PHKB: variants seen among roughly 807,000 people sequenced by gnomAD.
PHKB encodes the protein phosphorylase kinase regulatory subunit beta, also known as phosphorylase b kinase regulatory subunit beta.
In PHKB, 122 loss-of-function variants were observed where a neutral mutation model predicts 152.1. The observed-to-expected ratio is 0.80, with a 90% CI of 0.69 to 0.93. The LOEUF is 0.93. PHKB is among the 40% of genes least tolerant of loss of function. The pLI is 0.00. For missense variants in PHKB, 1,304 were observed against 1,328.4 expected, an observed-to-expected ratio of 0.98 and a Z score of 0.29; for synonymous variants, 436 against 464.9, an observed-to-expected ratio of 0.94 and a Z score of 0.80.
rs764133797 is a variant in PHKB at position 47,696,380 on chromosome 16, G to T, written c.2896-1G>T. 8.3e-6 allele frequency: 13 copies of T among 1,560,894 alleles called. No individual in the cohort carries two copies. The highest frequency in any genetic ancestry group is 1.1e-5 in the Non-Finnish European group (13 of 1,131,518). ...TGTTAATGTGGAGTTATTTTTTTCA[G>T]CAACCAACCCTGTCAGATATGACCA... On this transcript the variant is annotated splice_acceptor_variant, in intron 28 of 30. Transcript: ENST00000323584. LOFTEE classifies it high-confidence loss of function.
chr16:47,559,921 C>T (rs1256289504), intron 7 of PHKB, among the ~76,000 whole-genome samples: 1 of 152,114 alleles, frequency 6.6e-6, no homozygotes, highest in Non-Finnish European at 1.5e-5. Flanking sequence ...TGTTATTTCT[C>T]TCCAAAAAAA....
chr16:47,491,964 C>G lies in PHKB; in HGVS notation c.77-5435C>G, dbSNP rs1970157796. Among the ~76,000 whole-genome samples the G allele has an allele frequency of 2.0e-5, 3 of 152,140 alleles. No homozygotes were observed. In the South Asian group the frequency reaches 6.2e-4, roughly 32 times the overall value. On this transcript the variant is annotated intron_variant, in intron 1 of 30. Coordinates refer to ENST00000323584, the MANE Select transcript of PHKB (RefSeq NM_000293.3). Reference sequence around the variant, plus strand: ...AGGTCCTTTTAAAATTTCTTAATACCTGACTTTAGCCAGGCCAAACAGCTG... The same window carrying G: ...AGGTCCTTTTAAAATTTCTTAATACGTGACTTTAGCCAGGCCAAACAGCTG...
At chr16:47,590,277 T>G (rs1972006188) in intron 10 of PHKB, 1 of 150,340 alleles carries the variant, frequency 6.7e-6, no homozygotes, top group Non-Finnish European at 1.5e-5. Flanking sequence ...TATCATTTTA[T>G]TTAACTTTTT....
chr16:47,580,884 C>T (rs530543320), intron 8 of PHKB, among the ~76,000 whole-genome samples: 2 of 151,954 alleles, frequency 1.3e-5, no homozygotes, highest in Admixed American at 1.3e-4. Context: ...CCCTGAAGGT[C>T]GTCTTAAATT....
chr16:47,693,353 C>T (rs1160616921), intron 27 of PHKB, 25 bp from the exon 28 acceptor site: 5 of 1,613,598 alleles, frequency 3.1e-6, no homozygotes, highest in Non-Finnish European at 4.2e-6. Context: ...TTCTTCAACT[C>T]TGAGACATTT....
intron 13 of PHKB, among the ~76,000 whole-genome samples, chr16:47,601,791 A>G (rs1323869844): frequency 1.3e-5 from 2 of 152,152 alleles, no homozygotes; most frequent in African/African-American, 4.8e-5. Flanking sequence ...TCAGACATTC[A>G]TAGTGATGAT....
At chr16:47,636,768 G>A (rs1413650833) in intron 14 of PHKB, among the ~76,000 whole-genome samples, 1 of 152,168 alleles carries the variant, frequency 6.6e-6, no homozygotes, top group Non-Finnish European at 1.5e-5. Context: ...AAACAGCCTG[G>A]GCACCATGGA....
At chr16:47,648,690 A>C (rs973324446) in intron 17 of PHKB, 74 bp downstream of exon 17, 10 of 909,986 alleles carry the variant, frequency 1.1e-5, no homozygotes, top group Non-Finnish European at 1.9e-5. Context: ...TTGACCTGCT[A>C]TGCATCCTTT....
chr16:47,692,654 C>T (rs1338412713), intron 27 of PHKB, among the ~76,000 whole-genome samples: 2 of 151,202 alleles, frequency 1.3e-5, no homozygotes, highest in Non-Finnish European at 3.0e-5. Flanking sequence ...ATAAATGTAT[C>T]TGTCCTTTCT....
intron 26 of PHKB, among the ~76,000 whole-genome samples, chr16:47,670,029 C>T (rs917936268): frequency 2.6e-5 from 4 of 152,142 alleles, no homozygotes; most frequent in Non-Finnish European, 5.9e-5. Context: ...TCTCAGTAAC[C>T]TTGGGTAAAT....
intron 20 of PHKB, among the ~76,000 whole-genome samples, chr16:47,652,918 C>G (rs1973264556): frequency 6.6e-6 from 1 of 152,168 alleles, no homozygotes; most frequent in African/African-American, 2.4e-5. Context: ...GCTAGGATTA[C>G]AGGCATAAGC....
intron 6 of PHKB, among the ~76,000 whole-genome samples, chr16:47,544,260 T>G (rs1368589834): frequency 1.3e-5 from 2 of 152,254 alleles, no homozygotes; most frequent in African/African-American, 2.4e-5. Flanking sequence ...CTGCTTTAAG[T>G]GTGTCCCAGA....
chr16:47,493,477 A>G (rs1031481694), intron 1 of PHKB, among the ~76,000 whole-genome samples: 4 of 152,170 alleles, frequency 2.6e-5, no homozygotes, highest in African/African-American at 9.7e-5. Context: ...AAAGTACACT[A>G]TTTCGACCGT....
chr16:47,612,509 G>C (rs1972446701), intron 14 of PHKB, among the ~76,000 whole-genome samples: 1 of 152,198 alleles, frequency 6.6e-6, no homozygotes, highest in Admixed American at 6.5e-5. Flanking sequence ...ATCAGGAGAT[G>C]AGTGACTGAG....
At chr16:47,533,861 A>G (rs1597062179) in intron 6 of PHKB, among the ~76,000 whole-genome samples, 1 of 151,972 alleles carries the variant, frequency 6.6e-6, no homozygotes, top group East Asian at 1.9e-4. Flanking sequence ...ACCTGGGTCC[A>G]CAGCCACAAC....
chr16:47,535,049 C>G (rs1281468393), intron 6 of PHKB, among the ~76,000 whole-genome samples: 3 of 152,146 alleles, frequency 2.0e-5, no homozygotes, highest in Non-Finnish European at 4.4e-5. Flanking sequence ...TTACGCAAAG[C>G]TTTGTTGTTC....
intron 4 of PHKB, among the ~76,000 whole-genome samples, chr16:47,507,668 A>G (rs1970443808): frequency 6.6e-6 from 1 of 152,166 alleles, no homozygotes; most frequent in South Asian, 2.1e-4. Context: ...CAGTTAAGCT[A>G]TCTTACATTC....
At chr16:47,466,430 C>T (rs917724511) in intron 1 of PHKB, among the ~76,000 whole-genome samples, 3 of 152,188 alleles carry the variant, frequency 2.0e-5, no homozygotes, top group African/African-American at 7.2e-5. Flanking sequence ...AGTTCAGTTA[C>T]TTGGAATAAT....
At chr16:47,673,102 A>T (rs1185466587) in intron 26 of PHKB, among the ~76,000 whole-genome samples, 2 of 150,428 alleles carry the variant, frequency 1.3e-5, no homozygotes, top group Non-Finnish European at 3.0e-5. Flanking sequence ...AACCACTGGG[A>T]CTATTTCAGT....
Sources: gnomAD v4.1 joint callset for allele counts (sites outside exome capture counted in the v4.1 genomes callset) on GRCh38, gnomAD v4.1.1 for gene constraint, MANE v1.5 for transcripts, NCBI Gene and HGNC (gene_info 2026-07-23, HGNC 2026-07-21) for gene names.